SLC41A3: variants seen among roughly 807,000 people sequenced by gnomAD.
The protein encoded by SLC41A3 is solute carrier family 41 member 3.
Under a neutral mutation model 45.4 loss-of-function variants are expected in SLC41A3, and 44 were observed. The observed-to-expected ratio is 0.97, with a 90% CI of 0.76 to 1.25. The LOEUF (loss-of-function observed/expected upper bound fraction) is 1.25, where lower values mean the gene tolerates loss of function less well. SLC41A3 is among the 50% of genes most tolerant of loss of function. The pLI is 0.00. For missense variants in SLC41A3, 550 were observed against 600.6 expected (o/e 0.92, Z 0.88); for synonymous variants, 256 against 252.4 (o/e 1.01, Z -0.13).
chr3:126,048,809 T>TCC (rs1349807343), intron 3 of SLC41A3, among the ~76,000 whole-genome samples: 1 of 152,210 alleles, frequency 6.6e-6, no homozygotes, highest in African/African-American at 2.4e-5. Flanking sequence ...AGATGTTCTG[T>TCC]GTCTCAACTA....
intron 4 of SLC41A3, among the ~76,000 whole-genome samples, chr3:126,027,915 G>C (rs1271365019): frequency 6.6e-6 from 1 of 152,196 alleles, no homozygotes; most frequent in Non-Finnish European, 1.5e-5. Context: ...TGATGATTTA[G>C]GGTATCTGGT....
In SLC41A3 at chr3:126,050,714, CA is replaced by C. The variant is rs11362286; in HGVS notation, c.381+228del. On this transcript the variant is annotated intron_variant, in intron 3 of 10. Transcript: ENST00000360370. ...ACTGACATTTAGGTCAAAGGAGGAA[CA>C]GGGGCAAACAGGGTTGTGCACATCC... 0.31 allele frequency among the ~76,000 whole-genome samples: 47,107 copies of C among 151,940 alleles called. 7,534 individuals carry two copies. The highest frequency in any genetic ancestry group is 0.43 in the Middle Eastern group (127 of 294).
Position 126,100,582 on chromosome 3 carries a change from T to A in SLC41A3, c.-79+847A>T, listed in dbSNP as rs1945689079. 2.0e-5 allele frequency among the ~76,000 whole-genome samples: 3 copies of A among 152,310 alleles called. No homozygotes were observed. The South Asian group carries it at 6.2e-4, about 32-fold the overall frequency. ...AACAGCTGTGTGCAACTTGCCACCA[T>A]ATGAAGTCACATAAGACGGCAGTCA... is the stretch of plus-strand genomic sequence containing the variant. On this transcript the variant is annotated intron_variant, in intron 1 of 9. Transcript: ENST00000508835.
At chr3:126,010,281 T>C (rs1939567925) in intron 9 of SLC41A3, among the ~76,000 whole-genome samples, 1 of 152,244 alleles carries the variant, frequency 6.6e-6, no homozygotes, top group African/African-American at 2.4e-5. Context: ...GAGACCAGCC[T>C]GGCCAACATG....
chr3:126,010,373 G>A (rs1559802895), intron 9 of SLC41A3, among the ~76,000 whole-genome samples: 1 of 152,202 alleles, frequency 6.6e-6, no homozygotes, highest in Non-Finnish European at 1.5e-5. Flanking sequence ...TTGGGAGGCT[G>A]AGGCAGGAGA....
At position 126,015,468 on chromosome 3, in the gene SLC41A3, C is replaced by T. The variant is rs1247576688; in HGVS notation, c.970+26G>A. 2.5e-6 allele frequency: 4 copies of T among 1,612,844 alleles called. No individual in the cohort carries two copies. The African/African-American group carries it at 5.3e-5, about 22-fold the overall frequency. Reference sequence around the variant, plus strand: ...CTGTGGGCCTACCCAACCCAGGGACCACATGGGAACCCTTCAAATACGTAC... The same window carrying T: ...CTGTGGGCCTACCCAACCCAGGGACTACATGGGAACCCTTCAAATACGTAC... On this transcript the variant is annotated intron_variant, in intron 8 of 10. Coordinates refer to ENST00000360370, the MANE Select transcript of SLC41A3 (RefSeq NM_017836.4).
chr3:126,026,179 G>T lies in SLC41A3; in HGVS notation c.598+156C>A. On this transcript the variant is annotated intron_variant, in intron 5 of 10. Transcript: ENST00000360370. The surrounding 1 kb of genome is among the most constrained non-coding windows in gnomAD (Gnocchi z 4.2). ...AAGGTGGGCCATGAAGACCCAGCTG[G>T]CTCGTCCCACCCTGCCAGTGAGAAC... 8.4e-7 allele frequency: 1 copy of T among 1,187,556 alleles called. No homozygotes were observed. The highest frequency in any genetic ancestry group is 1.2e-6 in the Non-Finnish European group (1 of 859,130). The allele number at this position is 1,187,556 out of a possible 1,614,324, so 73.6% of individuals were successfully genotyped here. A position where few individuals can be genotyped will look rare whatever the true frequency, so the allele number is the denominator to read the frequency against.
At position 126,022,768 on chromosome 3, in the gene SLC41A3, G is replaced by A; in HGVS notation, c.745+18C>T. 6 of 1,614,022 alleles carry A rather than the reference G, an allele frequency of 3.7e-6. No individual in the cohort carries two copies. Among genetic ancestry groups the A allele is most frequent in the Non-Finnish European group, 5.1e-6 (6 of 1,179,938 alleles). On this transcript the variant is annotated intron_variant, in intron 6 of 10. Transcript: ENST00000360370. Reference sequence around the variant, plus strand: ...CCTCCACGGAGCCTTTGTGTCTATAGAAGAAGACACTCTTTACCTTTGTGT... The same window carrying A: ...CCTCCACGGAGCCTTTGTGTCTATAAAAGAAGACACTCTTTACCTTTGTGT...
chr3:126,080,857 A>G (rs1945113635), intron 1 of SLC41A3, among the ~76,000 whole-genome samples: 1 of 152,104 alleles, frequency 6.6e-6, no homozygotes, highest in East Asian at 1.9e-4. Flanking sequence ...AGGCTGAGGC[A>G]TGAGAGTCAC....
At chr3:126,043,293 T>G (rs1337285532) in intron 3 of SLC41A3, among the ~76,000 whole-genome samples, 1 of 152,092 alleles carries the variant, frequency 6.6e-6, no homozygotes, top group Non-Finnish European at 1.5e-5. Context: ...ATTCTGTATC[T>G]GGCAAAACTA....
In SLC41A3 at chr3:126,016,878, G is replaced by A; in HGVS notation, c.746-3C>T. ...CAGCGGCGTCAGATACCGACTATCT[G>A]AAAGGAGAACAGGGACACACGCAGC... On this transcript the variant is annotated splice_polypyrimidine_tract_variant and splice_region_variant and intron_variant, in intron 6 of 10. Coordinates refer to ENST00000360370, the MANE Select transcript of SLC41A3 (RefSeq NM_017836.4). 1 of 1,611,150 alleles carries A rather than the reference G, an allele frequency of 6.2e-7. No individual in the cohort carries two copies. The highest frequency in any genetic ancestry group is 8.5e-7 in the Non-Finnish European group (1 of 1,179,772).
intron 3 of SLC41A3, among the ~76,000 whole-genome samples, chr3:126,048,745 G>C (rs1943127935): frequency 6.6e-6 from 1 of 152,176 alleles, no homozygotes; most frequent in Non-Finnish European, 1.5e-5. Context: ...AAGGGGGCCG[G>C]TATGGAGTAG....
At chr3:126,040,710 C>A (rs1041300718) in intron 3 of SLC41A3, among the ~76,000 whole-genome samples, 1 of 152,108 alleles carries the variant, frequency 6.6e-6, no homozygotes, top group Non-Finnish European at 1.5e-5. Flanking sequence ...GCCCCCTTAC[C>A]CATGAAAAGA....
At chr3:126,013,594 G>A (rs944404726) in intron 8 of SLC41A3, among the ~76,000 whole-genome samples, 1 of 151,866 alleles carries the variant, frequency 6.6e-6, no homozygotes, top group Non-Finnish European at 1.5e-5. Flanking sequence ...GGGAAGGTGA[G>A]GGGAGGACAG....
chr3:126,041,943 T>C (rs1285718036), intron 3 of SLC41A3, among the ~76,000 whole-genome samples: 2 of 152,144 alleles, frequency 1.3e-5, no homozygotes, highest in Non-Finnish European at 2.9e-5. Flanking sequence ...ATGGTGTTTC[T>C]GCTTGCCCTT....
At chr3:126,017,799 G>A (rs995507221) in intron 6 of SLC41A3, among the ~76,000 whole-genome samples, 1 of 152,128 alleles carries the variant, frequency 6.6e-6, no homozygotes, top group African/African-American at 2.4e-5. Context: ...TGCACTAAAG[G>A]GTTATGGCCC....
intron 2 of SLC41A3, among the ~76,000 whole-genome samples, chr3:126,054,751 C>T (rs1320850067): frequency 6.6e-6 from 1 of 152,056 alleles, no homozygotes. Context: ...CACAGGCAAA[C>T]ACCTCCTTGT....
intron 3 of SLC41A3, among the ~76,000 whole-genome samples, chr3:126,050,332 A>G (rs1223244055): frequency 6.6e-6 from 1 of 152,198 alleles, no homozygotes; most frequent in African/African-American, 2.4e-5. Context: ...ACAGGATATC[A>G]CATGGGCATC....
In SLC41A3 at chr3:126,044,895, C is replaced by CAAAAAAAAAAAAAAAAAA. The variant is rs57581225; in HGVS notation, c.381+6030_381+6047dup. ...TGGGCGACAGAGCGAGACTCCATCT[C>CAAAAAAAAAAAAAAAAAA]AAAAAAAAAAAAAAAAAAAAAAAAA... On this transcript the variant is annotated intron_variant, in intron 3 of 10. Coordinates refer to ENST00000360370, the MANE Select transcript of SLC41A3 (RefSeq NM_017836.4). Among the ~76,000 whole-genome samples the CAAAAAAAAAAAAAAAAAA allele has an allele frequency of 3.5e-4, 29 of 82,718 alleles. 7 individuals carry two copies. Among genetic ancestry groups the CAAAAAAAAAAAAAAAAAA allele is most frequent in the Middle Eastern group, 8.1e-3 (1 of 124 alleles). The allele number at this position is 82,718 out of a possible 152,430, so 54.3% of individuals were successfully genotyped here.
Sources: allele counts gnomAD v4.1 joint callset (sites outside exome capture counted in the v4.1 genomes callset), GRCh38; gene constraint gnomAD v4.1.1; non-coding constraint Gnocchi (gnomAD v3.1); transcripts MANE v1.5; gene names NCBI Gene and HGNC (gene_info 2026-07-23, HGNC 2026-07-21).